The following BEND5 variants were observed in gnomAD, a reference collection of about 807,000 sequenced individuals.
BEND5 encodes the protein BEN domain-containing protein 5.
In BEND5, 22 loss-of-function variants were observed where a neutral mutation model predicts 43.9. That is an observed-to-expected ratio of 0.50 (90% CI 0.36 to 0.72). BEND5 has a LOEUF of 0.72. Among genes scored for constraint, BEND5 ranks in the 30% least tolerant of loss-of-function variants. The pLI is 0.00. For synonymous variants in BEND5, 228 were observed against 225.9 expected, an observed-to-expected ratio of 1.01 and a Z score of -0.08; for missense variants, 428 against 550.6, an observed-to-expected ratio of 0.78 and a Z score of 2.23.
intron 4 of BEND5, among the ~76,000 whole-genome samples, chr1:48,740,073 T>A (rs1649673606): frequency 6.6e-6 from 1 of 152,222 alleles, no homozygotes; most frequent in Admixed American, 6.5e-5. Flanking sequence ...TTTATGGAAC[T>A]GTTTTTCACT....
At chr1:48,770,195 G>GA (rs1379545589) in intron 1 of BEND5, among the ~76,000 whole-genome samples, 5 of 152,158 alleles carry the variant, frequency 3.3e-5, no homozygotes, top group African/African-American at 1.2e-4. Context: ...GCAAAACTGA[G>GA]AAAATGAAAA....
chr1:48,766,789 C>T (rs111684938), intron 1 of BEND5, among the ~76,000 whole-genome samples: 6 of 152,186 alleles, frequency 3.9e-5, no homozygotes, highest in Non-Finnish European at 8.8e-5. Flanking sequence ...GACCCATGTT[C>T]CCAGAGTGAG....
At chr1:48,751,913 G>A (rs1225686103) in intron 3 of BEND5, among the ~76,000 whole-genome samples, 2 of 152,106 alleles carry the variant, frequency 1.3e-5, no homozygotes, top group Non-Finnish European at 2.9e-5. Flanking sequence ...AAAATAATCT[G>A]GGATTATTTT....
intron 3 of BEND5, among the ~76,000 whole-genome samples, chr1:48,754,767 A>G (rs977235044): frequency 1.3e-5 from 2 of 152,172 alleles, no homozygotes; most frequent in African/African-American, 4.8e-5. Context: ...TCTGTTTTAC[A>G]GAGAGAGATG....
chr1:48,759,099 C>A lies in BEND5; in HGVS notation c.546G>T (p.Leu182=). 1 of 1,611,874 alleles carries A rather than the reference C, an allele frequency of 6.2e-7. No homozygotes were observed. The highest frequency in any genetic ancestry group is 8.5e-7 in the Non-Finnish European group (1 of 1,178,828). ...SLEDAVVPRA[L]YEELLRNYQQ... ...GGTAGTTGCGCAGCAGCTCCTCATA[C>A]AGAGCCCGGGGCACCACAGCATCTT... The change falls in exon 3 of 6, where the codon CTG becomes CTT. Residue 182 remains leucine, a synonymous_variant. Transcript: ENST00000371833.
At chr1:48,773,739 C>T (rs1417440337) in intron 1 of BEND5, among the ~76,000 whole-genome samples, 1 of 152,184 alleles carries the variant, frequency 6.6e-6, no homozygotes, top group Non-Finnish European at 1.5e-5. Context: ...GTTCCAATTC[C>T]AGCCTTGCCA....
intron 1 of BEND5, 79 bp downstream of exon 1, chr1:48,776,527 C>CA: frequency 4.3e-5 from 48 of 1,108,334 alleles, no homozygotes; most frequent in Middle Eastern, 3.1e-4. Context: ...CCCCGGTCCC[C>CA]TCCGCCCGGG....
In BEND5 at chr1:48,736,363, C is replaced by T. The variant is rs1309050077; in HGVS notation, c.984G>A (p.Leu328=). Reference sequence around the variant, plus strand: ...CATCTGTTCCCCAAATCATAACTGCCAAGTTCTTCGTGTACTTGGAATCTC... The same window carrying T: ...CATCTGTTCCCCAAATCATAACTGCTAAGTTCTTCGTGTACTTGGAATCTC... ...TQGDSKYTKN[L]AVMIWGTDVL... Residue 328 remains leucine (L), a synonymous_variant, in exon 5 of 6, where the codon TTG becomes TTA. Transcript: ENST00000371833. The surrounding 1 kb of genome is among the most constrained non-coding windows in gnomAD (Gnocchi z 4.0). 2 of 1,614,158 alleles carry T rather than the reference C, an allele frequency of 1.2e-6. No individual in the cohort carries two copies.
At chr1:48,735,527 TAAGGAAGG>T (rs1380162815) in intron 5 of BEND5, among the ~76,000 whole-genome samples, 16 of 127,840 alleles carry the variant, frequency 1.3e-4, no homozygotes, top group Middle Eastern at 4.3e-3. Context: ...AGGAAGGAAG[TAAGGAAGG>T]AAGAAGGAAA....
intron 1 of BEND5, among the ~76,000 whole-genome samples, chr1:48,768,300 G>A (rs1644631883): frequency 6.6e-6 from 1 of 152,064 alleles, no homozygotes; most frequent in African/African-American, 2.4e-5. Flanking sequence ...AATATGACCT[G>A]TTGCCAAACT....
At chr1:48,761,700 T>C (rs976722036) in intron 1 of BEND5, among the ~76,000 whole-genome samples, 1 of 152,214 alleles carries the variant, frequency 6.6e-6, no homozygotes, top group Non-Finnish European at 1.5e-5. Flanking sequence ...AGTGTTGAAA[T>C]AGCAGCCAGT....
At chr1:48,752,364 G>A (rs1278706358) in intron 3 of BEND5, among the ~76,000 whole-genome samples, 1 of 152,170 alleles carries the variant, frequency 6.6e-6, no homozygotes, top group Non-Finnish European at 1.5e-5. Flanking sequence ...GGTCAAATGG[G>A]GTGGTTGAGA....
rs1480199258 is a variant in BEND5 at position 48,776,703 on chromosome 1, GC to G, written c.128del (p.Gly43AlafsTer43). On this transcript the variant is annotated frameshift_variant, in exon 1 of 6. Transcript: ENST00000371833. LOFTEE classifies it high-confidence loss of function. ...DNQKVYAVYR[G>X]PEELGAGPES... ...CGGGCCCGGCGCCCAATTCCTCCGG[GC>G]CCCGGTACACGGCGTACACCTTCTG... is the stretch of plus-strand genomic sequence containing the variant. The G allele has an allele frequency of 1.3e-6, 2 of 1,519,344 alleles. No homozygotes were observed. The highest frequency in any genetic ancestry group is 2.1e-5 in the Admixed American group (1 of 47,212). 94.1% of individuals were successfully genotyped at this position (1,519,344 alleles called of 1,614,324 possible).
At chr1:48,761,586 G>A in intron 1 of BEND5, 116 bp from the exon 2 acceptor site, 1 of 1,111,112 alleles carries the variant, frequency 9.0e-7, no homozygotes, top group Admixed American at 2.7e-5. Context: ...CAGTTAAAAA[G>A]GAAAAACAAA....
At chr1:48,738,353 T>G (rs953016959) in intron 4 of BEND5, among the ~76,000 whole-genome samples, 4 of 152,238 alleles carry the variant, frequency 2.6e-5, no homozygotes, top group Non-Finnish European at 5.9e-5. Flanking sequence ...ACTTCAGTAC[T>G]GCAAATCTGT....
At chr1:48,751,679 G>T (rs1219616155) in intron 3 of BEND5, among the ~76,000 whole-genome samples, 1 of 152,164 alleles carries the variant, frequency 6.6e-6, no homozygotes, top group African/African-American at 2.4e-5. Flanking sequence ...ATGGCAATAT[G>T]GAAGGCAAAA....
chr1:48,730,836 C>T (rs922880132), intron 5 of BEND5, among the ~76,000 whole-genome samples: 5 of 152,122 alleles, frequency 3.3e-5, no homozygotes, highest in East Asian at 1.9e-4. Flanking sequence ...TTAACCGGAA[C>T]GCAATGCTGA....
intron 3 of BEND5, among the ~76,000 whole-genome samples, chr1:48,753,762 A>G (rs534659845): frequency 6.6e-6 from 1 of 152,372 alleles, no homozygotes; most frequent in African/African-American, 2.4e-5. Context: ...GAATTGTCCA[A>G]TGAGATAAAA....
chr1:48,743,517 A>G (rs1166486709), intron 3 of BEND5, among the ~76,000 whole-genome samples: 10 of 152,224 alleles, frequency 6.6e-5, no homozygotes, highest in Admixed American at 5.2e-4. Context: ...GAAAATGGGT[A>G]AATAAGGCCA....
Sources: gnomAD v4.1 joint callset for allele counts (sites outside exome capture counted in the v4.1 genomes callset) on GRCh38, gnomAD v4.1.1 for gene constraint, Gnocchi (gnomAD v3.1) non-coding constraint, MANE v1.5 for transcripts, NCBI Gene and HGNC (gene_info 2026-07-23, HGNC 2026-07-21) for gene names.